The following PSG11 variants were observed in gnomAD, a reference collection of about 807,000 sequenced individuals.
The protein encoded by PSG11 is pregnancy-specific beta-1-glycoprotein 11.
PSG11 carries 42 observed loss-of-function variants against 36.0 expected under a neutral mutation model. The ratio of observed to expected loss-of-function variants is 1.17; its 90% confidence interval spans 0.91 to 1.51. The LOEUF (loss-of-function observed/expected upper bound fraction) is 1.51. Ranked by LOEUF, PSG11 falls within the 40% of genes most tolerant of loss-of-function variation. The probability of loss-of-function intolerance (pLI) is 0.00; values close to 1 mark genes in which losing one functional copy is unlikely to be tolerated. For synonymous variants in PSG11, 206 were observed against 153.5 expected (o/e 1.34, Z -2.53); for missense variants, 558 against 403.5 (o/e 1.38, Z -3.28).
intron 4 of PSG11, among the ~76,000 whole-genome samples, chr19:43,012,851 C>A (rs1974110406): frequency 6.6e-6 from 1 of 151,392 alleles, no homozygotes; most frequent in Non-Finnish European, 1.5e-5. Flanking sequence ...AAGAATGAAG[C>A]TGGAGGACTC....
intron 1 of PSG11, 80 bp from the exon 2 acceptor site, chr19:43,025,136 G>A (rs1252368804): frequency 1.3e-6 from 2 of 1,520,390 alleles, no homozygotes; most frequent in South Asian, 1.3e-5. Context: ...TCCTGAGAAG[G>A]TCTCTTCAAT....
Position 43,019,909 on chromosome 19 carries a change from T to G in PSG11, c.431-861A>C, listed in dbSNP as rs886158975. Among the ~76,000 whole-genome samples, 12 of 151,504 alleles carry G rather than the reference T, an allele frequency of 7.9e-5. 1 individual carries two copies. Among genetic ancestry groups the G allele is most frequent in the Admixed American group, 3.9e-4 (6 of 15,196 alleles). On this transcript the variant is annotated intron_variant, in intron 2 of 5. Coordinates refer to ENST00000320078, the MANE Select transcript of PSG11 (RefSeq NM_002785.3). ...GGCAAACATGAACTGATGATGGAAG[T>G]CTGGCCCTCATGGACCATATGTGTT...
intron 4 of PSG11, chr19:43,014,553 G>T: frequency 1.0e-6 from 1 of 990,178 alleles, no homozygotes; most frequent in South Asian, 4.7e-5. Flanking sequence ...ATTCAGGACA[G>T]GCCACCAGGA....
chr19:43,018,740 C>G (rs750596511), intron 3 of PSG11, 30 bp downstream of exon 3: 12 of 1,611,986 alleles, frequency 7.4e-6, no homozygotes, highest in South Asian at 4.4e-5. Context: ...GGATGGCAGC[C>G]TGGCTCACAG....
At chr19:43,021,175 G>T (rs1319705458) in intron 2 of PSG11, among the ~76,000 whole-genome samples, 1 of 151,164 alleles carries the variant, frequency 6.6e-6, no homozygotes, top group African/African-American at 2.4e-5. Context: ...AAATGCTATT[G>T]TCAAAACAAA....
intron 3 of PSG11, 73 bp from the exon 4 acceptor site, chr19:43,015,443 C>T: frequency 2.7e-6 from 4 of 1,508,900 alleles, no homozygotes; most frequent in Non-Finnish European, 3.6e-6. Flanking sequence ...CTTAAAGGGA[C>T]ACAGTGACCC....
At chr19:43,012,414 T>C (rs7255423) in intron 4 of PSG11, among the ~76,000 whole-genome samples, 87,125 of 151,022 alleles carry the variant, frequency 0.58, 27,846 homozygotes, top group East Asian at 0.99. Flanking sequence ...TGGAACAAAC[T>C]TATTAGAATT....
rs764666225 is a variant in PSG11, at chr19:43,024,882, G to A, written c.239C>T (p.Thr80Ile). Reference protein sequence around the residue: ...GQIRDLYHYITSYVVDGQIII... With the variant: ...GQIRDLYHYIISYVVDGQIII... ...TATTTGACCGTCTACTACATATGAT[G>A]TAATGTAATGGTAGAGGTCCCTGAT... Residue 80 changes from threonine (T) to isoleucine (I), a missense_variant, in exon 2 of 6, where the codon ACA becomes ATA. Thr to Ile is a moderately conservative substitution (Grantham distance 89). Coordinates refer to ENST00000320078, the MANE Select transcript of PSG11 (RefSeq NM_002785.3). The A allele has an allele frequency of 9.7e-5, 157 of 1,611,652 alleles. 3 individuals carry two copies. Among genetic ancestry groups the A allele is most frequent in the Middle Eastern group, 4.9e-4 (3 of 6,080 alleles).
At position 43,024,946 on chromosome 19, in the gene PSG11, G is replaced by T; in HGVS notation, c.175C>A (p.Pro59Thr). 4 of 1,611,812 alleles carry T rather than the reference G, an allele frequency of 2.5e-6. No homozygotes were observed. The highest frequency in any genetic ancestry group is 3.4e-6 in the Non-Finnish European group (4 of 1,179,062). The change falls in exon 2 of 6, where the codon CCC (proline) becomes ACC (threonine). Residue 59 changes from proline (P) to threonine (T), a missense_variant. Transcript: ENST00000320078. Reference protein sequence around the residue: ...KDVLLLVHNLPQNLTGYIWYK... With the variant: ...KDVLLLVHNLTQNLTGYIWYK... Reference sequence around the variant, plus strand: ...CAGATGTAGCCAGTAAGATTCTGGGGCAAATTGTGGACAAGTAGAAGAACA... The same window carrying T: ...CAGATGTAGCCAGTAAGATTCTGGGTCAAATTGTGGACAAGTAGAAGAACA...
At chr19:43,008,175 G>C (rs1249049919) in intron 5 of PSG11, 133 bp from the exon 6 acceptor site, 3 of 269,488 alleles carry the variant, frequency 1.1e-5, no homozygotes, top group Non-Finnish European at 2.2e-5. Flanking sequence ...TTATGGTAAA[G>C]ACACAGCTCA....
In PSG11 at chr19:43,024,973, C is replaced by A. The variant is rs1967203681; in HGVS notation, c.148G>T (p.Asp50Tyr). ...AQPPKVSEGK[D>Y]VLLLVHNLPQ... ...AAATTGTGGACAAGTAGAAGAACAT[C>A]CTTCCCCTCGGACACTTTGGGTGGC... Residue 50 changes from aspartate to tyrosine, a missense_variant, in exon 2 of 6, where the codon GAT (aspartate) becomes TAT (tyrosine). Transcript: ENST00000320078. 4 of 1,611,618 alleles carry A rather than the reference C, an allele frequency of 2.5e-6. No individual in the cohort carries two copies. Among genetic ancestry groups the A allele is most frequent in the Middle Eastern group, 1.7e-4 (1 of 6,054 alleles).
rs916184421 is a variant in PSG11 at position 43,020,941 on chromosome 19, A to G, written c.431-1893T>C. 4.6e-5 allele frequency among the ~76,000 whole-genome samples: 7 copies of G among 151,444 alleles called. 1 individual carries two copies. The highest frequency in any genetic ancestry group is 8.8e-5 in the Non-Finnish European group (6 of 67,922). On this transcript the variant is annotated intron_variant, in intron 2 of 5. Transcript: ENST00000320078. ...TAGAGTTTAAGTTTGTGTGAATTAG[A>G]AGGAGTCTAAGTGAGATGCCAATGG...
intron 2 of PSG11, chr19:43,019,319 T>G (rs1267079158): frequency 3.1e-6 from 2 of 641,234 alleles, no homozygotes; most frequent in Non-Finnish European, 4.7e-6. Context: ...CCAGCAGTCA[T>G]AGCCCCTGGT....
At chr19:43,008,312 A>G (rs1192803895) in intron 5 of PSG11, among the ~76,000 whole-genome samples, 3 of 151,222 alleles carry the variant, frequency 2.0e-5, no homozygotes, top group Non-Finnish European at 2.9e-5. Flanking sequence ...TCACTCTGTC[A>G]TCCAGACTGG....
In PSG11 at chr19:43,009,962, C is replaced by T; in HGVS notation, c.*36G>A. Reference sequence around the variant, plus strand: ...TAAGAGAAAAGGTCATCATACCTGCCAGTCTTCCTGAAATACAAAAATGAC... The same window carrying T: ...TAAGAGAAAAGGTCATCATACCTGCTAGTCTTCCTGAAATACAAAAATGAC... On this transcript the variant is annotated 3_prime_UTR_variant, in exon 5 of 6. Coordinates refer to ENST00000320078, the MANE Select transcript of PSG11 (RefSeq NM_002785.3). The T allele has an allele frequency of 6.3e-7, 1 of 1,583,692 alleles. No homozygotes were observed. The highest frequency in any genetic ancestry group is 8.7e-7 in the Non-Finnish European group (1 of 1,153,706).
intron 5 of PSG11, among the ~76,000 whole-genome samples, chr19:43,008,567 C>G (rs1299744276): frequency 1.3e-5 from 2 of 151,320 alleles, no homozygotes; most frequent in Admixed American, 1.3e-4. Context: ...TGAGCCATCG[C>G]ACCCAGCCTA....
intron 2 of PSG11, chr19:43,019,277 G>T: frequency 1.0e-6 from 1 of 965,350 alleles, no homozygotes; most frequent in South Asian, 1.9e-5. Context: ...TGTGAATTGA[G>T]CAGCAGCATT....
chr19:43,025,247 C>G (rs1967214855), intron 1 of PSG11, 191 bp from the exon 2 acceptor site: 10 of 1,053,942 alleles, frequency 9.5e-6, no homozygotes, highest in Non-Finnish European at 1.3e-5. Context: ...TGTGTGTGTT[C>G]TACTGTCCTA....
In PSG11 at chr19:43,026,229, C is replaced by A. The variant is rs1042518712; in HGVS notation, c.64+80G>T. 96 of 1,587,872 alleles carry A rather than the reference C, an allele frequency of 6.0e-5. 1 individual carries two copies. In the South Asian group the frequency reaches 1.1e-3, roughly 18 times the overall value. ...ATGCTGGCTTTTTTATTTTTTAGAA[C>A]CCCAGGAGCCTCTCCAGGAGACCCC... is the stretch of plus-strand genomic sequence containing the variant. On this transcript the variant is annotated intron_variant, in intron 1 of 5. Coordinates refer to ENST00000320078, the MANE Select transcript of PSG11 (RefSeq NM_002785.3).
Sources: gnomAD v4.1 joint callset for allele counts (sites outside exome capture counted in the v4.1 genomes callset) on GRCh38, gnomAD v4.1.1 for gene constraint, MANE v1.5 for transcripts, NCBI Gene and HGNC (gene_info 2026-07-23, HGNC 2026-07-21) for gene names.